UGGT2: variants seen among roughly 807,000 people sequenced by gnomAD.
UGGT2 encodes the protein UDP-glucose glycoprotein glucosyltransferase 2, also known as UDP-glucose:glycoprotein glucosyltransferase 2.
A neutral mutation model predicts 192.1 loss-of-function variants in UGGT2; 180 were observed. That is an observed-to-expected ratio of 0.94 (90% CI 0.83 to 1.06). The LOEUF is 1.06. Among genes scored for constraint, UGGT2 ranks in the 50% least tolerant of loss-of-function variants. The pLI, the probability that UGGT2 is intolerant of heterozygous loss-of-function variation, is 0.00. For missense variants in UGGT2, 1,849 were observed against 1,795.7 expected (o/e 1.03, Z -0.54); for synonymous variants, 580 against 591.0 (o/e 0.98, Z 0.27).
At chr13:95,890,267 G>GT (rs2047761915) in intron 25 of UGGT2, among the ~76,000 whole-genome samples, 1 of 152,106 alleles carries the variant, frequency 6.6e-6, no homozygotes, top group African/African-American at 2.4e-5. Context: ...AAAGACACCT[G>GT]TATTAGTCTT....
At chr13:95,949,486 A>G (rs899281184) in intron 12 of UGGT2, 32 bp from the exon 13 acceptor site, 1 of 1,407,888 alleles carries the variant, frequency 7.1e-7, no homozygotes, top group African/African-American at 1.5e-5. Context: ...TGTGAAAGCT[A>G]TATTAACACT....
chr13:95,881,732 C>A (rs2047501783), intron 27 of UGGT2, among the ~76,000 whole-genome samples: 1 of 152,152 alleles, frequency 6.6e-6, no homozygotes, highest in Non-Finnish European at 1.5e-5. Flanking sequence ...CCTTTTATGG[C>A]AATACCTGGA....
intron 12 of UGGT2, among the ~76,000 whole-genome samples, chr13:95,963,119 C>A (rs1436269831): frequency 1.3e-5 from 2 of 152,092 alleles, no homozygotes; most frequent in African/African-American, 4.8e-5. Flanking sequence ...CACAGCCAAA[C>A]CATATCACTG....
At chr13:95,875,944 T>C (rs1891635186) in intron 29 of UGGT2, among the ~76,000 whole-genome samples, 1 of 152,210 alleles carries the variant, frequency 6.6e-6, no homozygotes, top group Non-Finnish European at 1.5e-5. Context: ...AGATATTTAT[T>C]AAGGGTATAA....
intron 5 of UGGT2, among the ~76,000 whole-genome samples, chr13:96,005,560 T>A (rs1042188878): frequency 6.6e-6 from 1 of 152,136 alleles, no homozygotes. Flanking sequence ...AGCTATATAG[T>A]GTACTGGTGG....
intron 17 of UGGT2, among the ~76,000 whole-genome samples, chr13:95,932,311 TTGTGTGTGTGTGTGTGTGTGTG>T (rs67135742): frequency 7.2e-6 from 1 of 139,422 alleles, no homozygotes; most frequent in Non-Finnish European, 1.5e-5. Flanking sequence ...GGTATTTTAT[TTGTGTGTGTGTGTGTGTGTGTG>T]TGTGTGTGTG....
chr13:95,919,439 A>C (rs1055572462), intron 20 of UGGT2, among the ~76,000 whole-genome samples: 1 of 152,228 alleles, frequency 6.6e-6, no homozygotes, highest in Non-Finnish European at 1.5e-5. Flanking sequence ...ATTTGTTTGC[A>C]GATAACATGA....
intron 12 of UGGT2, among the ~76,000 whole-genome samples, chr13:95,957,656 CAG>C (rs1324980311): frequency 2.0e-5 from 3 of 152,220 alleles, no homozygotes; most frequent in Non-Finnish European, 4.4e-5. Context: ...CCTCCACACA[CAG>C]AGTGACTGTC....
intron 1 of UGGT2, among the ~76,000 whole-genome samples, chr13:96,044,375 G>C (rs1331453557): frequency 6.6e-6 from 1 of 152,190 alleles, no homozygotes; most frequent in Non-Finnish European, 1.5e-5. Flanking sequence ...TAAGAGGAAA[G>C]TTCATAGCCC....
At chr13:95,826,617 C>G (rs7994753) in intron 38 of UGGT2, among the ~76,000 whole-genome samples, 1 of 151,960 alleles carries the variant, frequency 6.6e-6, no homozygotes, top group African/African-American at 2.4e-5. Flanking sequence ...CCATTTATAA[C>G]AGTAGCAAAG....
chr13:95,968,117 T>C (rs1394879335), intron 12 of UGGT2, among the ~76,000 whole-genome samples: 2 of 152,160 alleles, frequency 1.3e-5, no homozygotes, highest in East Asian at 1.9e-4. Flanking sequence ...GATCATGTTG[T>C]AATTGTAATG....
intron 10 of UGGT2, among the ~76,000 whole-genome samples, chr13:95,981,751 A>G (rs930499662): frequency 6.6e-6 from 1 of 152,326 alleles, no homozygotes; most frequent in South Asian, 2.1e-4. Flanking sequence ...TCTCGTGTCC[A>G]ATCCGTGTGC....
chr13:95,840,010 AT>A (rs1887698011), intron 36 of UGGT2, among the ~76,000 whole-genome samples: 1 of 152,210 alleles, frequency 6.6e-6, no homozygotes, highest in Non-Finnish European at 1.5e-5. Flanking sequence ...GTCTATTTAA[AT>A]AAACATATTA....
chr13:96,039,907 T>G (rs1039256218), intron 1 of UGGT2, among the ~76,000 whole-genome samples: 2 of 152,216 alleles, frequency 1.3e-5, no homozygotes, highest in Non-Finnish European at 2.9e-5. Context: ...ATATTTCTAC[T>G]GAAATTCTCT....
chr13:95,882,183 C>T (rs1199558582), intron 27 of UGGT2, among the ~76,000 whole-genome samples: 1 of 152,214 alleles, frequency 6.6e-6, no homozygotes, highest in South Asian at 2.1e-4. Flanking sequence ...GCTGGGATTA[C>T]AGGCGTGAGC....
chr13:95,955,614 C>T (rs1015224691), intron 12 of UGGT2, among the ~76,000 whole-genome samples: 6 of 151,880 alleles, frequency 4.0e-5, no homozygotes, highest in South Asian at 2.1e-4. Flanking sequence ...ACACAAGACA[C>T]GGCCAGGAGA....
chr13:95,845,040 A>G (rs996689970), intron 36 of UGGT2, among the ~76,000 whole-genome samples: 3 of 152,180 alleles, frequency 2.0e-5, no homozygotes, highest in Non-Finnish European at 4.4e-5. Context: ...GCATATAATT[A>G]GCTGATCATG....
intron 10 of UGGT2, among the ~76,000 whole-genome samples, chr13:95,980,101 G>T (rs1412514754): frequency 6.6e-6 from 1 of 152,158 alleles, no homozygotes; most frequent in South Asian, 2.1e-4. Flanking sequence ...CGTAAAAGCA[G>T]ATCTACCATT....
chr13:95,886,023 G>GA (rs1343674747), intron 26 of UGGT2, among the ~76,000 whole-genome samples: 1 of 152,066 alleles, frequency 6.6e-6, no homozygotes, highest in Non-Finnish European at 1.5e-5. Context: ...AGGACTGAAT[G>GA]AAAAAAGCTA....
Sources: allele counts gnomAD v4.1 joint callset (sites outside exome capture counted in the v4.1 genomes callset), GRCh38; gene constraint gnomAD v4.1.1; transcripts MANE v1.5; gene names NCBI Gene and HGNC (gene_info 2026-07-23, HGNC 2026-07-21).